The following NAV3 variants were observed in gnomAD, a reference collection of about 807,000 sequenced individuals.
The protein encoded by NAV3 is pore membrane and/or filament interacting like protein 1.
Under a neutral mutation model 244.7 loss-of-function variants are expected in NAV3, and 87 were observed. That is an observed-to-expected ratio of 0.36 (90% CI 0.30 to 0.42). NAV3 has a LOEUF of 0.42. NAV3 is among the 20% of genes least tolerant of loss of function. NAV3 has a pLI of 1.00. For missense variants in NAV3, 2,663 were observed against 2,893.3 expected, an observed-to-expected ratio of 0.92 and a Z score of 1.83; for synonymous variants, 1,126 against 1,042.2, an observed-to-expected ratio of 1.08 and a Z score of -1.55.
chr12:78,177,435 C>A, intron 27 of NAV3, 122 bp downstream of exon 27: 1 of 1,195,966 alleles, frequency 8.4e-7, no homozygotes, highest in Non-Finnish European at 1.2e-6. Flanking sequence ...GAATGATGGA[C>A]AGCATTAGTT....
At chr12:77,886,038 A>G (rs918649575) in intron 1 of NAV3, among the ~76,000 whole-genome samples, 1 of 152,114 alleles carries the variant, frequency 6.6e-6, no homozygotes, top group Non-Finnish European at 1.5e-5. Context: ...CCCTAGTGTC[A>G]ATTATTATCA....
At chr12:78,090,982 G>GTA (rs1953900719) in intron 12 of NAV3, among the ~76,000 whole-genome samples, 1 of 151,612 alleles carries the variant, frequency 6.6e-6, no homozygotes. Context: ...GTGTGTGTGT[G>GTA]TGTGTGTGTG....
intron 12 of NAV3, among the ~76,000 whole-genome samples, chr12:78,068,686 A>T (rs1267812493): frequency 1.3e-5 from 2 of 148,432 alleles, no homozygotes; most frequent in African/African-American, 4.9e-5. Context: ...GATGTAATAT[A>T]TATAAATCTG....
intron 2 of NAV3, among the ~76,000 whole-genome samples, chr12:77,638,996 A>C (rs552880947): frequency 6.6e-6 from 1 of 152,132 alleles, no homozygotes; most frequent in South Asian, 2.1e-4. Context: ...TTTAAAGATC[A>C]TAGGGGTAAT....
At chr12:77,879,162 G>A (rs547649568) in intron 1 of NAV3, among the ~76,000 whole-genome samples, 3 of 152,194 alleles carry the variant, frequency 2.0e-5, no homozygotes, top group Non-Finnish European at 2.9e-5. Flanking sequence ...TTGCGAACCC[G>A]CTTGGATAGC....
chr12:77,791,460 T>C (rs1871171564), intron 2 of NAV3, among the ~76,000 whole-genome samples: 1 of 152,206 alleles, frequency 6.6e-6, no homozygotes, highest in African/African-American at 2.4e-5. Context: ...CCTGGCTTTA[T>C]TAAACAAGAC....
At chr12:78,205,522 A>C (rs1029906615) in intron 39 of NAV3, among the ~76,000 whole-genome samples, 1 of 152,110 alleles carries the variant, frequency 6.6e-6, no homozygotes, top group Non-Finnish European at 1.5e-5. Context: ...CTCATGGAGA[A>C]CTAAAAAATA....
At chr12:78,069,334 A>G (rs963451310) in intron 12 of NAV3, among the ~76,000 whole-genome samples, 14 of 152,140 alleles carry the variant, frequency 9.2e-5, no homozygotes, top group Admixed American at 2.6e-4. Flanking sequence ...TAGGTTTATT[A>G]ATGAAAATTC....
intron 23 of NAV3, among the ~76,000 whole-genome samples, chr12:78,162,588 G>T (rs1957589993): frequency 6.6e-6 from 1 of 151,522 alleles, no homozygotes; most frequent in Non-Finnish European, 1.5e-5. Flanking sequence ...AACAGGCCAG[G>T]TGTGGTGACT....
intron 2 of NAV3, among the ~76,000 whole-genome samples, chr12:77,772,953 A>T (rs1467808213): frequency 3.9e-5 from 6 of 152,206 alleles, no homozygotes; most frequent in Non-Finnish European, 8.8e-5. Flanking sequence ...TGGACATTTC[A>T]GTAGCATATA....
At chr12:77,978,011 G>T (rs1868834813) in intron 5 of NAV3, among the ~76,000 whole-genome samples, 1 of 151,720 alleles carries the variant, frequency 6.6e-6, no homozygotes, top group African/African-American at 2.4e-5. Flanking sequence ...CAGATCGTTG[G>T]TTTTGGTTTA....
At chr12:78,141,293 TA>T (rs1234904378) in intron 20 of NAV3, among the ~76,000 whole-genome samples, 1 of 152,226 alleles carries the variant, frequency 6.6e-6, no homozygotes, top group Non-Finnish European at 1.5e-5. Flanking sequence ...TTCTGTTTGG[TA>T]AATACAATTC....
chr12:77,870,198 C>G (rs1880727949), intron 1 of NAV3, among the ~76,000 whole-genome samples: 1 of 151,790 alleles, frequency 6.6e-6, no homozygotes, highest in African/African-American at 2.4e-5. Context: ...AACCCCGTCT[C>G]AACTAAAAAT....
At chr12:78,135,779 T>C (rs1565703904) in intron 18 of NAV3, among the ~76,000 whole-genome samples, 2 of 152,296 alleles carry the variant, frequency 1.3e-5, no homozygotes. Flanking sequence ...TGAAGGAATA[T>C]GCTTGAAAGA....
chr12:77,734,081 T>C (rs1453136552), intron 2 of NAV3, among the ~76,000 whole-genome samples: 1 of 151,834 alleles, frequency 6.6e-6, no homozygotes, highest in African/African-American at 2.4e-5. Context: ...AAAAAAGAAA[T>C]AATGGAGGAA....
At chr12:77,925,978 AAAG>A (rs1199035110) in intron 1 of NAV3, among the ~76,000 whole-genome samples, 2 of 152,172 alleles carry the variant, frequency 1.3e-5, no homozygotes, top group Non-Finnish European at 2.9e-5. Context: ...GTTGATGTAA[AAAG>A]AAGGAAAGAA....
intron 2 of NAV3, among the ~76,000 whole-genome samples, chr12:77,696,884 A>C (rs1565776426): frequency 6.6e-6 from 1 of 152,128 alleles, no homozygotes; most frequent in Non-Finnish European, 1.5e-5. Context: ...ATGTACATTT[A>C]CTAATTATTT....
chr12:77,623,783 G>C (rs1399328108), intron 2 of NAV3, among the ~76,000 whole-genome samples: 1 of 152,132 alleles, frequency 6.6e-6, no homozygotes, highest in African/African-American at 2.4e-5. Flanking sequence ...TTTAAATCGA[G>C]AGCATTTCCC....
intron 22 of NAV3, among the ~76,000 whole-genome samples, chr12:78,156,565 T>C (rs1417238786): frequency 1.3e-5 from 2 of 151,984 alleles, no homozygotes; most frequent in Non-Finnish European, 2.9e-5. Context: ...TAAAGGAGAG[T>C]AATTTTCTTC....
Sources: allele counts gnomAD v4.1 joint callset (sites outside exome capture counted in the v4.1 genomes callset), GRCh38; gene constraint gnomAD v4.1.1; transcripts MANE v1.5; gene names NCBI Gene and HGNC (gene_info 2026-07-23, HGNC 2026-07-21).